Variants in NKAIN3 observed in about 807,000 individuals in gnomAD.
NKAIN3 encodes the protein sodium/potassium-transporting ATPase subunit beta-1-interacting protein 3.
In NKAIN3, 25 loss-of-function variants were observed where a neutral mutation model predicts 30.2. That is an observed-to-expected ratio of 0.83 (90% CI 0.60 to 1.16). NKAIN3 has a LOEUF of 1.16. Ranked by LOEUF, NKAIN3 falls within the 50% of genes most tolerant of loss-of-function variation. The pLI is 0.00. For missense variants in NKAIN3, 225 were observed against 254.1 expected (o/e 0.89, Z 0.78); for synonymous variants, 91 against 89.6 (o/e 1.02, Z -0.09).
intron 3 of NKAIN3, among the ~76,000 whole-genome samples, chr8:62,713,441 AT>A (rs1416435252): frequency 1.3e-5 from 2 of 152,250 alleles, no homozygotes; most frequent in African/African-American, 4.8e-5. Flanking sequence ...AATGCAACAT[AT>A]AGATAACTTC....
At chr8:62,329,792 A>G (rs549860597) in intron 1 of NKAIN3, among the ~76,000 whole-genome samples, 1 of 152,158 alleles carries the variant, frequency 6.6e-6, no homozygotes, top group Admixed American at 6.6e-5. Flanking sequence ...ATAGCACTGC[A>G]GTGAACATAC....
intron 4 of NKAIN3, among the ~76,000 whole-genome samples, chr8:62,787,596 G>A (rs995946081): frequency 2.6e-5 from 4 of 152,110 alleles, no homozygotes; most frequent in Non-Finnish European, 5.9e-5. Context: ...TGTTACATAT[G>A]TATACATGTG....
intron 1 of NKAIN3, among the ~76,000 whole-genome samples, chr8:62,281,231 C>T (rs548689229): frequency 1.3e-5 from 2 of 152,050 alleles, no homozygotes; most frequent in Non-Finnish European, 2.9e-5. Context: ...CCCCCTCTAT[C>T]ATTTTTTATT....
chr8:62,859,825 T>G (rs537937760), intron 4 of NKAIN3, among the ~76,000 whole-genome samples: 8 of 152,306 alleles, frequency 5.3e-5, no homozygotes, highest in African/African-American at 1.7e-4. Flanking sequence ...TCATAGATAT[T>G]GCTTCCAATG....
intron 1 of NKAIN3, among the ~76,000 whole-genome samples, chr8:62,355,445 T>C (rs1236577170): frequency 1.3e-5 from 2 of 152,200 alleles, no homozygotes; most frequent in East Asian, 1.9e-4. Context: ...GGCCTGGCAT[T>C]GCTTAGGCTG....
At chr8:62,986,482 C>A (rs1824201556), downstream of NKAIN3, among the ~76,000 whole-genome samples, 3 of 152,130 alleles carry the variant, frequency 2.0e-5, no homozygotes, top group South Asian at 6.2e-4. Context: ...GGCTTCAGGT[C>A]TCTTATTCAG....
intron 3 of NKAIN3, among the ~76,000 whole-genome samples, chr8:62,699,057 T>C (rs1456255462): frequency 2.6e-5 from 4 of 152,218 alleles, no homozygotes; most frequent in African/African-American, 2.4e-5. Flanking sequence ...AATTCGGATA[T>C]GCTGTTGTCA....
chr8:62,803,698 A>G (rs1304092339), intron 4 of NKAIN3, among the ~76,000 whole-genome samples: 1 of 152,206 alleles, frequency 6.6e-6, no homozygotes, highest in Non-Finnish European at 1.5e-5. Context: ...CATCAGAATT[A>G]AAAGAACTAG....
intron 4 of NKAIN3, among the ~76,000 whole-genome samples, chr8:62,884,143 G>A (rs759958499): frequency 1.3e-5 from 2 of 152,130 alleles, no homozygotes; most frequent in Non-Finnish European, 2.9e-5. Flanking sequence ...TCTATGGCCT[G>A]CAGTTTTCTT....
chr8:62,263,932 C>T (rs1429202301), intron 1 of NKAIN3, among the ~76,000 whole-genome samples: 1 of 152,076 alleles, frequency 6.6e-6, no homozygotes, highest in African/African-American at 2.4e-5. Flanking sequence ...TAATAAACTA[C>T]AGACAAAAGA....
At chr8:62,322,268 G>A (rs1173578308) in intron 1 of NKAIN3, among the ~76,000 whole-genome samples, 1 of 152,194 alleles carries the variant, frequency 6.6e-6, no homozygotes, top group African/African-American at 2.4e-5. Flanking sequence ...GTGACCCTTT[G>A]TGTTTCCTGG....
In NKAIN3 at chr8:62,975,712, T is replaced by G. The variant is rs370124980; in HGVS notation, c.*10305T>G. Among the ~76,000 whole-genome samples, 1 of 152,232 alleles carries G rather than the reference T, an allele frequency of 6.6e-6. No individual in the cohort carries two copies. Among genetic ancestry groups the G allele is most frequent in the Non-Finnish European group, 1.5e-5 (1 of 68,040 alleles). ...TGTCTTCTGCTAGCTTTTGAAATAG[T>G]CTGCTCTTGTTTCTTTAATTCTTTT... On this transcript the variant is annotated 3_prime_UTR_variant, in exon 7 of 7. Transcript: ENST00000623646.
chr8:62,930,339 C>G (rs997413685), intron 5 of NKAIN3, among the ~76,000 whole-genome samples: 5 of 152,006 alleles, frequency 3.3e-5, no homozygotes, highest in African/African-American at 1.2e-4. Flanking sequence ...CTGCAACCTC[C>G]GCCTCTCCGG....
chr8:62,330,116 T>A (rs1815289554), intron 1 of NKAIN3, among the ~76,000 whole-genome samples: 1 of 151,912 alleles, frequency 6.6e-6, no homozygotes, highest in African/African-American at 2.4e-5. Context: ...CATGGACGAT[T>A]CCAGATAGAA....
chr8:62,796,377 CTG>C (rs1817860429), intron 4 of NKAIN3, among the ~76,000 whole-genome samples: 1 of 88,198 alleles, frequency 1.1e-5, no homozygotes, highest in African/African-American at 4.5e-5. Flanking sequence ...AAGTGAGACT[CTG>C]TCTCAAAAAA....
At chr8:62,839,751 T>C (rs1439984545) in intron 4 of NKAIN3, among the ~76,000 whole-genome samples, 1 of 151,876 alleles carries the variant, frequency 6.6e-6, no homozygotes, top group Admixed American at 6.6e-5. Flanking sequence ...GAGTAGCTGG[T>C]ACTACAGGTG....
In NKAIN3 at chr8:62,596,560, G is replaced by GAGTCTGTAT. The variant is rs528281770; in HGVS notation, c.273+6768_273+6776dup. The stretch of plus-strand genomic sequence containing the variant: ...ATGGAGGACGATGTAAGCATACTTA[G>GAGTCTGTAT]AGTCTGTATATATATTTACCCTTTT... On this transcript the variant is annotated intron_variant, in intron 3 of 6. Coordinates refer to ENST00000623646, the MANE Select transcript of NKAIN3 (RefSeq NM_001304533.3). Among the ~76,000 whole-genome samples the GAGTCTGTAT allele has an allele frequency of 4.0e-3, 612 of 152,144 alleles. 4 individuals are homozygous for GAGTCTGTAT. Among genetic ancestry groups the GAGTCTGTAT allele is most frequent in the African/African-American group, 0.014 (595 of 41,534 alleles).
chr8:62,659,980 C>G (rs1812892235), intron 3 of NKAIN3, among the ~76,000 whole-genome samples: 1 of 152,168 alleles, frequency 6.6e-6, no homozygotes, highest in Non-Finnish European at 1.5e-5. Context: ...CAATGTAAGT[C>G]CATTAAACCT....
chr8:62,998,160 G>A (rs1804164161), intron 5 of NKAIN3, among the ~76,000 whole-genome samples: 1 of 152,124 alleles, frequency 6.6e-6, no homozygotes, highest in Non-Finnish European at 1.5e-5. Flanking sequence ...GAGGCCATAT[G>A]GACACTGTCT....
Sources: gnomAD v4.1 joint callset for allele counts (sites outside exome capture counted in the v4.1 genomes callset) on GRCh38, gnomAD v4.1.1 for gene constraint, MANE v1.5 for transcripts, NCBI Gene and HGNC (gene_info 2026-07-23, HGNC 2026-07-21) for gene names.